LRRC4C: variants seen among roughly 807,000 people sequenced by gnomAD.
LRRC4C encodes leucine rich repeat containing 4C, also known as leucine-rich repeat-containing protein 4C.
LRRC4C carries 5 observed loss-of-function variants against 33.6 expected under a neutral mutation model. The observed-to-expected ratio is 0.15, with a 90% CI of 0.08 to 0.31. The LOEUF (loss-of-function observed/expected upper bound fraction) is 0.31, where lower values mean the gene tolerates loss of function less well. Among genes scored for constraint, LRRC4C ranks in the 10% least tolerant of loss-of-function variants. LRRC4C has a pLI of 1.00. For synonymous variants in LRRC4C, 329 were observed against 302.0 expected, an observed-to-expected ratio of 1.09 and a Z score of -0.93; for missense variants, 560 against 796.7, an observed-to-expected ratio of 0.70 and a Z score of 3.58.
At chr11:40,184,930 T>C (rs896691200) in intron 5 of LRRC4C, among the ~76,000 whole-genome samples, 1 of 152,226 alleles carries the variant, frequency 6.6e-6, no homozygotes, top group Non-Finnish European at 1.5e-5. Context: ...AAATCCCTAT[T>C]TATCCCAGGA....
chr11:40,973,458 A>G (rs1366797647), intron 1 of LRRC4C, among the ~76,000 whole-genome samples: 2 of 152,160 alleles, frequency 1.3e-5, no homozygotes, highest in Non-Finnish European at 2.9e-5. Flanking sequence ...AGGAATCCCA[A>G]AATGATTTAT....
At chr11:40,386,856 T>C (rs1203129471) in intron 3 of LRRC4C, among the ~76,000 whole-genome samples, 2 of 152,154 alleles carry the variant, frequency 1.3e-5, no homozygotes, top group African/African-American at 4.8e-5. Context: ...CCGACATACA[T>C]AATTCTAATG....
At chr11:41,290,931 G>A (rs1486466184) in intron 1 of LRRC4C, among the ~76,000 whole-genome samples, 2 of 152,146 alleles carry the variant, frequency 1.3e-5, no homozygotes, top group African/African-American at 4.8e-5. Context: ...CTTAAGTGAC[G>A]AGGGATGTGG....
chr11:41,258,406 T>C (rs945560658), intron 1 of LRRC4C, among the ~76,000 whole-genome samples: 3 of 151,978 alleles, frequency 2.0e-5, no homozygotes, highest in Admixed American at 6.6e-5. Context: ...GACACTTGAA[T>C]AGGCCAGGAC....
At chr11:40,397,519 T>G (rs1949590233) in intron 3 of LRRC4C, among the ~76,000 whole-genome samples, 1 of 152,036 alleles carries the variant, frequency 6.6e-6, no homozygotes, top group Non-Finnish European at 1.5e-5. Flanking sequence ...TAAAGAAAAA[T>G]TAAAATTAAA....
At chr11:40,773,602 A>G (rs1949855544) in intron 2 of LRRC4C, among the ~76,000 whole-genome samples, 1 of 152,108 alleles carries the variant, frequency 6.6e-6, no homozygotes, top group African/African-American at 2.4e-5. Flanking sequence ...TGCAAAACCT[A>G]TATGAAGAAA....
At chr11:41,401,564 G>T (rs1488238806) in intron 1 of LRRC4C, among the ~76,000 whole-genome samples, 1 of 151,832 alleles carries the variant, frequency 6.6e-6, no homozygotes, top group Non-Finnish European at 1.5e-5. Context: ...GCCAGTCATG[G>T]GGCGGACAAA....
At chr11:40,285,890 A>C (rs1327046240) in intron 4 of LRRC4C, among the ~76,000 whole-genome samples, 1 of 152,210 alleles carries the variant, frequency 6.6e-6, no homozygotes, top group Non-Finnish European at 1.5e-5. Flanking sequence ...TCCTATTCCC[A>C]GCCTCACCAT....
At chr11:41,207,404 T>A (rs1946644502) in intron 1 of LRRC4C, among the ~76,000 whole-genome samples, 1 of 152,084 alleles carries the variant, frequency 6.6e-6, no homozygotes, top group African/African-American at 2.4e-5. Flanking sequence ...AAACTGAATA[T>A]CTTCCCCACC....
At chr11:40,310,467 T>C (rs1439686713) in intron 4 of LRRC4C, among the ~76,000 whole-genome samples, 1 of 152,158 alleles carries the variant, frequency 6.6e-6, no homozygotes, top group Non-Finnish European at 1.5e-5. Flanking sequence ...TATAGTAACA[T>C]CAATAAACCT....
intron 3 of LRRC4C, among the ~76,000 whole-genome samples, chr11:40,325,111 T>C (rs1338182056): frequency 6.6e-6 from 1 of 152,098 alleles, no homozygotes; most frequent in Non-Finnish European, 1.5e-5. Flanking sequence ...AGTTGAAAGG[T>C]GAAATTTGGG....
At chr11:40,634,542 G>A (rs1239715757) in intron 3 of LRRC4C, among the ~76,000 whole-genome samples, 1 of 152,078 alleles carries the variant, frequency 6.6e-6, no homozygotes, top group Non-Finnish European at 1.5e-5. Flanking sequence ...CAACTAAGAT[G>A]TTCGTACTAA....
chr11:40,438,031 CA>C (rs1951218772), intron 3 of LRRC4C, among the ~76,000 whole-genome samples: 1 of 152,174 alleles, frequency 6.6e-6, no homozygotes, highest in African/African-American at 2.4e-5. Context: ...AAGTATAAGG[CA>C]ATGCCCTTGA....
chr11:40,431,783 GATGTCCATTTTGCAATGACACAA>G, intron 3 of LRRC4C, among the ~76,000 whole-genome samples: 1 of 152,268 alleles, frequency 6.6e-6, no homozygotes, highest in African/African-American at 2.4e-5. Context: ...TTGAGCATGT[GATGTCCATTTTGCAATGACACAA>G]AATTGAATAT....
At chr11:41,124,343 C>T (rs1031251051) in intron 1 of LRRC4C, among the ~76,000 whole-genome samples, 2 of 152,208 alleles carry the variant, frequency 1.3e-5, no homozygotes, top group African/African-American at 4.8e-5. Flanking sequence ...CCAATCCAAA[C>T]TTCTATCGTA....
chr11:40,590,946 G>T (rs1352703664), intron 3 of LRRC4C, among the ~76,000 whole-genome samples: 3 of 152,194 alleles, frequency 2.0e-5, no homozygotes, highest in African/African-American at 7.2e-5. Context: ...TCTGTGCCCT[G>T]CCCCCAGAGG....
intron 3 of LRRC4C, among the ~76,000 whole-genome samples, chr11:40,646,956 C>T (rs570427882): frequency 6.6e-6 from 1 of 152,288 alleles, no homozygotes; most frequent in Admixed American, 6.5e-5. Context: ...GCTGTGTTTA[C>T]CTCACCATTG....
chr11:40,742,571 G>A (rs1186421308), intron 2 of LRRC4C, among the ~76,000 whole-genome samples: 1 of 151,956 alleles, frequency 6.6e-6, no homozygotes, highest in East Asian at 1.9e-4. Context: ...CAGTTCAAGG[G>A]CTCCAGAGAA....
chr11:40,229,226 C>G (rs187029118), intron 5 of LRRC4C, among the ~76,000 whole-genome samples: 1 of 152,134 alleles, frequency 6.6e-6, no homozygotes, highest in East Asian at 1.9e-4. Flanking sequence ...ATTTAAAACC[C>G]CACATTTTAA....
Sources: allele counts gnomAD v4.1 joint callset (sites outside exome capture counted in the v4.1 genomes callset), GRCh38; gene constraint gnomAD v4.1.1; transcripts MANE v1.5; gene names NCBI Gene and HGNC (gene_info 2026-07-23, HGNC 2026-07-21).